NCALD: variants seen among roughly 807,000 people sequenced by gnomAD.
NCALD encodes neurocalcin delta.
NCALD carries 10 observed loss-of-function variants against 18.6 expected under a neutral mutation model. That is an observed-to-expected ratio of 0.54 (90% CI 0.33 to 0.91). NCALD has a LOEUF of 0.91. NCALD is among the 40% of genes least tolerant of loss of function. The pLI is 0.03. For missense variants in NCALD, 184 were observed against 247.6 expected, an observed-to-expected ratio of 0.74 and a Z score of 1.72; for synonymous variants, 88 against 87.4, an observed-to-expected ratio of 1.01 and a Z score of -0.04.
chr8:101,953,212 G>A (rs1188096722), intron 2 of NCALD, among the ~76,000 whole-genome samples: 1 of 152,160 alleles, frequency 6.6e-6, no homozygotes, highest in African/African-American at 2.4e-5. Flanking sequence ...CATTTCATCT[G>A]TCACCAGATG....
intron 1 of NCALD, among the ~76,000 whole-genome samples, chr8:101,770,328 A>G (rs960348025): frequency 3.3e-5 from 5 of 152,218 alleles, no homozygotes; most frequent in African/African-American, 1.2e-4. Flanking sequence ...TATGCTTGAC[A>G]TACTAGACTA....
chr8:101,793,769 T>C (rs979994924), upstream of NCALD, among the ~76,000 whole-genome samples: 4 of 152,218 alleles, frequency 2.6e-5, no homozygotes, highest in Non-Finnish European at 5.9e-5. Flanking sequence ...CATTCAAAAA[T>C]AGTTCTGCAT....
chr8:102,083,234 C>G (rs1824609784), intron 1 of NCALD, among the ~76,000 whole-genome samples: 1 of 152,192 alleles, frequency 6.6e-6, no homozygotes, highest in Non-Finnish European at 1.5e-5. Flanking sequence ...TCTACAAACT[C>G]AAGCCAAGAA....
intron 2 of NCALD, among the ~76,000 whole-genome samples, chr8:101,989,556 C>G (rs1820963672): frequency 6.6e-6 from 1 of 152,176 alleles, no homozygotes. Flanking sequence ...TGTGATATAA[C>G]ATTCAATTAT....
chr8:102,109,610 G>C (rs1825581191), intron 1 of NCALD, among the ~76,000 whole-genome samples: 1 of 151,976 alleles, frequency 6.6e-6, no homozygotes, highest in African/African-American at 2.4e-5. Context: ...CTAATATTTG[G>C]GGAAATATTT....
intron 4 of NCALD, among the ~76,000 whole-genome samples, chr8:101,822,398 T>C (rs1440433464): frequency 6.6e-6 from 1 of 152,094 alleles, no homozygotes; most frequent in Non-Finnish European, 1.5e-5. Context: ...AAGGAGCTGG[T>C]CGATTGCCTG....
At chr8:102,003,609 C>T (rs528097902) in intron 2 of NCALD, among the ~76,000 whole-genome samples, 1 of 152,286 alleles carries the variant, frequency 6.6e-6, no homozygotes, top group Admixed American at 6.5e-5. Flanking sequence ...CCCTGATGAA[C>T]ATCGATGCAA....
At position 101,850,082 on chromosome 8, in the gene NCALD, G is replaced by C. The variant is rs181221351; in HGVS notation, c.-20+37059C>G. The stretch of plus-strand genomic sequence containing the variant: ...CATGTACCTAAGTCTAGCTCTGCCG[G>C]GTGTTATCCAGAAAGATCAGTCACT... On this transcript the variant is annotated intron_variant, in intron 4 of 6. Coordinates refer to the NCALD transcript ENST00000311028. Among the ~76,000 whole-genome samples, 138 of 152,260 alleles carry C rather than the reference G, an allele frequency of 9.1e-4. 1 individual carries two copies. Among genetic ancestry groups the C allele is most frequent in the African/African-American group, 3.0e-3 (124 of 41,538 alleles).
At chr8:102,010,658 G>A (rs965904957) in intron 2 of NCALD, among the ~76,000 whole-genome samples, 4 of 152,144 alleles carry the variant, frequency 2.6e-5, no homozygotes, top group East Asian at 1.9e-4. Context: ...GAGAGCTGTC[G>A]GCCTGTGGGA....
intron 4 of NCALD, among the ~76,000 whole-genome samples, chr8:101,865,200 A>G (rs1815719696): frequency 6.6e-6 from 1 of 152,204 alleles, no homozygotes; most frequent in Non-Finnish European, 1.5e-5. Context: ...ATTTCATTGT[A>G]GCCAAAGACA....
chr8:102,009,010 C>CT (rs1402095296), intron 2 of NCALD, among the ~76,000 whole-genome samples: 1 of 146,154 alleles, frequency 6.8e-6, no homozygotes, highest in Non-Finnish European at 1.5e-5. Flanking sequence ...TCTCCTATAC[C>CT]TTCAATCCTC....
chr8:102,066,896 C>T (rs1441658462), intron 1 of NCALD, among the ~76,000 whole-genome samples: 1 of 152,190 alleles, frequency 6.6e-6, no homozygotes, highest in Admixed American at 6.5e-5. Context: ...CCTTCCATAC[C>T]TCTGGTCACC....
At chr8:102,060,174 G>T (rs953694657) in intron 1 of NCALD, among the ~76,000 whole-genome samples, 4 of 151,962 alleles carry the variant, frequency 2.6e-5, no homozygotes, top group Non-Finnish European at 4.4e-5. Context: ...GTACAGACAG[G>T]GTTTCACTGT....
rs1812989148 is a variant in NCALD at position 101,804,357 on chromosome 8, T to TATATCAATTATATATTATATATA, written c.-20+82783_-20+82784insTATATATAATATATAATTGATAT. On this transcript the variant is annotated intron_variant, in intron 4 of 6. Transcript: ENST00000311028. Reference sequence around the variant, plus strand: ...ATATCAATTATATATTATATATAATTATATCAATTATATATTATATGTTAC... The same window carrying TATATCAATTATATATTATATATA: ...ATATCAATTATATATTATATATAATTATATCAATTATATATTATATATAATATCAATTATATATTATATGTTAC... 5.4e-5 allele frequency among the ~76,000 whole-genome samples: 7 copies of TATATCAATTATATATTATATATA among 128,460 alleles called. No individual in the cohort carries two copies. The Admixed American group carries it at 5.9e-4, about 11-fold the overall frequency. The allele number at this position is 128,460 out of a possible 152,430, so 84.3% of individuals were successfully genotyped here.
intron 4 of NCALD, chr8:101,872,106 T>G: frequency 6.9e-6 from 11 of 1,596,938 alleles, no homozygotes; most frequent in Non-Finnish European, 9.4e-6. Flanking sequence ...TTGAATTGGC[T>G]TTGATAAATT....
At chr8:102,000,486 C>T (rs1359139725) in intron 2 of NCALD, among the ~76,000 whole-genome samples, 1 of 152,236 alleles carries the variant, frequency 6.6e-6, no homozygotes, top group Non-Finnish European at 1.5e-5. Context: ...CAGCAGAAAC[C>T]TCTGCAGACT....
In NCALD at chr8:101,688,889, C is replaced by T. The variant is rs112303279; in HGVS notation, c.*420G>A. 2.8e-3 allele frequency: 1,761 copies of T among 625,938 alleles called. 22 individuals are homozygous for T. Among genetic ancestry groups the T allele is most frequent in the African/African-American group, 0.026 (1,431 of 54,746 alleles). 38.8% of individuals were successfully genotyped at this position (625,938 alleles called of 1,614,324 possible). On this transcript the variant is annotated 3_prime_UTR_variant, in exon 4 of 4. Transcript: ENST00000220931. ...CATCCGGTGCCATCCATCACCCCTA[C>T]GGCACGTGTGACAACAGATTCAGGT...
intron 4 of NCALD, among the ~76,000 whole-genome samples, chr8:101,839,375 C>T (rs1814546282): frequency 6.6e-6 from 1 of 151,944 alleles, no homozygotes. Flanking sequence ...AGAGGTGGAA[C>T]GTAAGGCTCA....
At chr8:101,879,797 T>C (rs1816403289) in intron 4 of NCALD, among the ~76,000 whole-genome samples, 2 of 152,102 alleles carry the variant, frequency 1.3e-5, no homozygotes, top group South Asian at 4.2e-4. Context: ...AGAGCACTGA[T>C]TGGTGCATTC....
Sources: allele counts gnomAD v4.1 joint callset (sites outside exome capture counted in the v4.1 genomes callset), GRCh38; gene constraint gnomAD v4.1.1; transcripts MANE v1.5; gene names NCBI Gene and HGNC (gene_info 2026-07-23, HGNC 2026-07-21).